Variants in ZNF469 observed in about 807,000 individuals in gnomAD.
ZNF469 encodes the protein zinc finger protein 469.
A neutral mutation model predicts 1.0 loss-of-function variants in ZNF469; 1 was observed. The ratio of observed to expected loss-of-function variants is 1.00; its 90% CI spans 0.35 to 4.73. ZNF469 has a LOEUF of 4.73. Among genes scored for constraint, ZNF469 ranks in the 30% most tolerant of loss-of-function variants. ZNF469 has a pLI of 0.16. For missense variants in ZNF469, 6,100 were observed against 5,356.3 expected, an observed-to-expected ratio of 1.14 and a Z score of -4.33; for synonymous variants, 2,703 against 2,363.4, an observed-to-expected ratio of 1.14 and a Z score of -4.17.
In ZNF469 at chr16:88,429,019, A is replaced by T. The variant is rs1905921157; in HGVS notation, c.1549A>T (p.Ser517Cys). The T allele has an allele frequency of 1.3e-6, 2 of 1,548,738 alleles. No homozygotes were observed. Among genetic ancestry groups the T allele is most frequent in the African/African-American group, 2.7e-5 (2 of 72,968 alleles). ...PAGGPEWQGGSQGALGTAGKT... is the reference protein window; with the variant it reads ...PAGGPEWQGGCQGALGTAGKT... ...GGGGGGCCCCGAGTGGCAGGGGGGC[A>T]GCCAAGGAGCCCTGGGCACTGCTGG... The change falls in exon 3 of 3, where the codon AGC (serine) becomes TGC (cysteine). Residue 517 changes from serine (S) to cysteine (C), a missense_variant. Transcript: ENST00000565624.
intron 1 of ZNF469, among the ~76,000 whole-genome samples, chr16:88,421,047 T>A (rs1001477597): frequency 1.3e-5 from 2 of 151,644 alleles, no homozygotes; most frequent in African/African-American, 4.8e-5. Flanking sequence ...CAGGGGCAGA[T>A]TGGGGAGAAC....
At chr16:88,374,850 C>G in the ZNF469 span, among the ~76,000 whole-genome samples, 6 of 152,306 alleles carry the variant, frequency 3.9e-5, no homozygotes, top group African/African-American at 1.4e-4. Flanking sequence ...GTTTTGCTAG[C>G]AGCTTGGGCG....
chr16:88,336,185 C>T, the ZNF469 span, among the ~76,000 whole-genome samples: 1 of 150,832 alleles, frequency 6.6e-6, no homozygotes, highest in African/African-American at 2.5e-5. Context: ...ACACATTCAT[C>T]CTTCACTTGA....
the ZNF469 span, among the ~76,000 whole-genome samples, chr16:88,157,413 T>A: frequency 1.3e-5 from 2 of 152,152 alleles, no homozygotes; most frequent in East Asian, 3.9e-4. Context: ...CAGTTCCACC[T>A]CCTGTGCAAA....
the ZNF469 span, among the ~76,000 whole-genome samples, chr16:88,175,461 T>G: frequency 1.3e-5 from 2 of 152,162 alleles, no homozygotes; most frequent in African/African-American, 4.8e-5. Context: ...ACCACTAAAT[T>G]TAAGAAGATT....
Position 88,430,257 on chromosome 16 carries a change from G to C in ZNF469, c.2787G>C (p.Leu929=). Residue 929 remains leucine, a synonymous_variant, in exon 3 of 3, where the codon CTG becomes CTC. Coordinates refer to ENST00000565624, the MANE Select transcript of ZNF469 (RefSeq NM_001367624.2). ...PARGRPKTRS[L]GLAPTEADAP... ...GAGGCAGGCCCAAAACGCGTTCCCTGGGTCTGGCCCCCACCGAGGCGGATG... is the reference window on the plus strand; with the variant it reads ...GAGGCAGGCCCAAAACGCGTTCCCTCGGTCTGGCCCCCACCGAGGCGGATG... The C allele has an allele frequency of 6.6e-7, 1 of 1,523,116 alleles. No homozygotes were observed. Among genetic ancestry groups the C allele is most frequent in the East Asian group, 2.5e-5 (1 of 40,606 alleles). 94.4% of individuals were successfully genotyped at this position (1,523,116 alleles called of 1,614,324 possible).
chr16:88,255,208 T>C, the ZNF469 span, among the ~76,000 whole-genome samples: 7 of 152,368 alleles, frequency 4.6e-5, no homozygotes, highest in Middle Eastern at 3.4e-3. Flanking sequence ...AGATGCAGGC[T>C]GCATATGTTG....
chr16:88,428,204 G>T lies in ZNF469; in HGVS notation c.734G>T (p.Gly245Val). 1 of 1,550,262 alleles carries T rather than the reference G, an allele frequency of 6.5e-7. No individual in the cohort carries two copies. Among genetic ancestry groups the T allele is most frequent in the Non-Finnish European group, 8.7e-7 (1 of 1,146,918 alleles). Residue 245 changes from glycine to valine, a missense_variant, in exon 3 of 3, where the codon GGT (glycine) becomes GTT (valine). Physicochemically the swap from Gly to Val is moderately radical, Grantham distance 109 (BLOSUM62 -3). Coordinates refer to ENST00000565624, the MANE Select transcript of ZNF469 (RefSeq NM_001367624.2). ...WPPAAENSFP[G>V]ANFGVPPAEP... Reference sequence around the variant, plus strand: ...CCCGCTGCTGAGAATAGCTTCCCAGGTGCTAATTTCGGGGTTCCCCCCGCC... The same window carrying T: ...CCCGCTGCTGAGAATAGCTTCCCAGTTGCTAATTTCGGGGTTCCCCCCGCC...
the ZNF469 span, among the ~76,000 whole-genome samples, chr16:88,195,778 C>G: frequency 3.3e-5 from 5 of 152,342 alleles, no homozygotes; most frequent in African/African-American, 1.2e-4. Context: ...TCCCATGAGT[C>G]TCTCATTGGT....
chr16:88,100,949 C>T, the ZNF469 span: 1 of 281,510 alleles, frequency 3.6e-6, no homozygotes, highest in African/African-American at 2.3e-5. Flanking sequence ...GAGACGCAGC[C>T]CCAACGCGCT....
Position 88,433,352 on chromosome 16 carries a change from G to C in ZNF469, c.5882G>C (p.Gly1961Ala), listed in dbSNP as rs1026094927. The C allele has an allele frequency of 6.5e-7, 1 of 1,550,286 alleles. No homozygotes were observed. Among genetic ancestry groups the C allele is most frequent in the Non-Finnish European group, 8.7e-7 (1 of 1,146,926 alleles). ...ACGPAQGSPGGVQVTTLPAVA... is the reference protein window; with the variant it reads ...ACGPAQGSPGAVQVTTLPAVA... ...GGCCCCGCCCAGGGCTCCCCAGGGG[G>C]TGTGCAGGTGACAACTCTCCCTGCA... Residue 1961 changes from glycine to alanine, a missense_variant, in exon 3 of 3, where the codon GGT becomes GCT. Coordinates refer to ENST00000565624, the MANE Select transcript of ZNF469 (RefSeq NM_001367624.2).
chr16:88,335,726 A>T, the ZNF469 span, among the ~76,000 whole-genome samples: 1 of 152,276 alleles, frequency 6.6e-6, no homozygotes, highest in African/African-American at 2.4e-5. Flanking sequence ...ACATGGAGGC[A>T]TTGACGCAGC....
At chr16:88,277,395 C>T in the ZNF469 span, among the ~76,000 whole-genome samples, 1 of 149,394 alleles carries the variant, frequency 6.7e-6, no homozygotes, top group Admixed American at 6.6e-5. Flanking sequence ...CGCTGACACT[C>T]GGTCAGTACC....
intron 1 of ZNF469, among the ~76,000 whole-genome samples, chr16:88,385,225 C>T (rs1016478629): frequency 6.6e-6 from 1 of 152,132 alleles, no homozygotes; most frequent in African/African-American, 2.4e-5. Context: ...CCCCTCCTTT[C>T]TCCTGGAGTC....
the ZNF469 span, among the ~76,000 whole-genome samples, chr16:88,277,499 G>T: frequency 1.4e-5 from 1 of 73,590 alleles, no homozygotes; most frequent in East Asian, 3.2e-4. Context: ...CTGACACTCG[G>T]TCAGTACCGT....
the ZNF469 span, among the ~76,000 whole-genome samples, chr16:88,353,952 C>A: frequency 2.0e-5 from 3 of 152,214 alleles, no homozygotes; most frequent in Admixed American, 1.3e-4. Context: ...AGCCCCTCCT[C>A]ACATCCGCCG....
rs1016496289 is a variant in ZNF469, at chr16:88,424,897, G to A, written c.-127+26G>A. Among the ~76,000 whole-genome samples, 5 of 152,146 alleles carry A rather than the reference G, an allele frequency of 3.3e-5. No homozygotes were observed. Among genetic ancestry groups the A allele is most frequent in the African/African-American group, 9.7e-5 (4 of 41,432 alleles). On this transcript the variant is annotated intron_variant, in intron 2 of 2. Coordinates refer to ENST00000565624, the MANE Select transcript of ZNF469 (RefSeq NM_001367624.2). This position sits in a 1 kb window ranked among gnomAD's most constrained non-coding sequence, Gnocchi z 4.3. Reference sequence around the variant, plus strand: ...GTATGTACAGGCAGCAGCCTGCACCGAGGCTGGCCACAGATGCTCTGGTCT... The same window carrying A: ...GTATGTACAGGCAGCAGCCTGCACCAAGGCTGGCCACAGATGCTCTGGTCT...
the ZNF469 span, among the ~76,000 whole-genome samples, chr16:88,363,708 G>A: frequency 6.6e-6 from 1 of 152,220 alleles, no homozygotes; most frequent in South Asian, 2.1e-4. Context: ...GCAGACATTA[G>A]AGTCATCTCT....
At chr16:88,124,857 T>C in the ZNF469 span, among the ~76,000 whole-genome samples, 1 of 152,258 alleles carries the variant, frequency 6.6e-6, no homozygotes, top group Non-Finnish European at 1.5e-5. Flanking sequence ...GTGCTGGGAT[T>C]ACAGGCGTGA....
Sources: gnomAD v4.1 joint callset for allele counts (sites outside exome capture counted in the v4.1 genomes callset) on GRCh38, gnomAD v4.1.1 for gene constraint, Gnocchi (gnomAD v3.1) non-coding constraint, MANE v1.5 for transcripts, NCBI Gene and HGNC (gene_info 2026-07-23, HGNC 2026-07-21) for gene names.